The following PIK3C2G variants were observed in gnomAD, a reference collection of about 807,000 sequenced individuals.
PIK3C2G encodes phosphatidylinositol 3-kinase C2 domain-containing subunit gamma.
Under a neutral mutation model 181.1 loss-of-function variants are expected in PIK3C2G, and 168 were observed. The observed-to-expected ratio is 0.93, with a 90% CI of 0.82 to 1.05. The LOEUF (loss-of-function observed/expected upper bound fraction) is 1.05, where lower values mean the gene tolerates loss of function less well. Ranked by LOEUF, PIK3C2G falls within the 50% of genes least tolerant of loss-of-function variation. PIK3C2G has a pLI of 0.00. For synonymous variants in PIK3C2G, 573 were observed against 592.2 expected, an observed-to-expected ratio of 0.97 and a Z score of 0.47; for missense variants, 1,869 against 1,732.8, an observed-to-expected ratio of 1.08 and a Z score of -1.40.
At chr12:18,434,585 C>T (rs189237908) in intron 18 of PIK3C2G, among the ~76,000 whole-genome samples, 3 of 152,026 alleles carry the variant, frequency 2.0e-5, no homozygotes, top group African/African-American at 4.8e-5. Flanking sequence ...GTCTATATTC[C>T]GTAGGCCAGA....
At chr12:18,282,805 C>A (rs1393189011) in intron 2 of PIK3C2G, 46 bp downstream of exon 2, 9 of 1,236,326 alleles carry the variant, frequency 7.3e-6, no homozygotes, top group Middle Eastern at 2.0e-4. Context: ...CTGAAAGAAT[C>A]ATTCAATAAT....
At chr12:18,572,468 T>C (rs941415062) in intron 29 of PIK3C2G, among the ~76,000 whole-genome samples, 1 of 150,568 alleles carries the variant, frequency 6.6e-6, no homozygotes, top group African/African-American at 2.4e-5. Context: ...TCTGCTGATA[T>C]ATATAAATGT....
chr12:18,389,787 G>T, intron 14 of PIK3C2G, among the ~76,000 whole-genome samples: 1 of 152,218 alleles, frequency 6.6e-6, no homozygotes, highest in South Asian at 2.1e-4. Flanking sequence ...AATGAAAATT[G>T]TTTCCTAAGT....
chr12:18,646,005 T>A (rs1950111004), intron 32 of PIK3C2G, among the ~76,000 whole-genome samples: 1 of 152,052 alleles, frequency 6.6e-6, no homozygotes, highest in Non-Finnish European at 1.5e-5. Context: ...CAGCTCAAAA[T>A]ACCCACTTAG....
At chr12:18,701,417 C>T in the PIK3C2G span, 1 of 1,596,490 alleles carries the variant, frequency 6.3e-7, no homozygotes, top group South Asian at 1.1e-5. Flanking sequence ...AATGATTTTT[C>T]TCCAGAATTT....
At chr12:18,621,871 C>T (rs1197942208) in intron 31 of PIK3C2G, among the ~76,000 whole-genome samples, 1 of 151,392 alleles carries the variant, frequency 6.6e-6, no homozygotes, top group Non-Finnish European at 1.5e-5. Flanking sequence ...TTTATATTAA[C>T]AATCAACACA....
Position 18,430,945 on chromosome 12 carries a change from AT to A in PIK3C2G, c.2504+6916del, listed in dbSNP as rs879659152. ...ACTGAGATGATCCAAAAATCTGTCC[AT>A]TTTTTTTTTAAATAATCTTCCCTCA... On this transcript the variant is annotated intron_variant, in intron 18 of 32. Coordinates refer to ENST00000538779, the MANE Select transcript of PIK3C2G (RefSeq NM_001288772.2). Among the ~76,000 whole-genome samples the A allele has an allele frequency of 9.8e-3, 1,477 of 150,570 alleles. 23 individuals are homozygous for A. The highest frequency in any genetic ancestry group is 0.034 in the African/African-American group (1,384 of 41,076).
At chr12:18,273,873 C>G (rs1163591609) in intron 1 of PIK3C2G, among the ~76,000 whole-genome samples, 1 of 152,098 alleles carries the variant, frequency 6.6e-6, no homozygotes, top group Non-Finnish European at 1.5e-5. Context: ...AGGCAACCTA[C>G]AGAATGGGAG....
chr12:18,255,938 G>A (rs1209469986), intron 1 of PIK3C2G, among the ~76,000 whole-genome samples: 2 of 140,398 alleles, frequency 1.4e-5, no homozygotes, highest in African/African-American at 5.2e-5. Flanking sequence ...ATGTTATCTT[G>A]GAGGAATTTA....
At chr12:18,256,232 C>T (rs1046591773) in intron 1 of PIK3C2G, among the ~76,000 whole-genome samples, 1 of 151,820 alleles carries the variant, frequency 6.6e-6, no homozygotes, top group African/African-American at 2.4e-5. Context: ...AAGTCAAACA[C>T]AGATTGGCTT....
the PIK3C2G span, among the ~76,000 whole-genome samples, chr12:18,664,441 A>C: frequency 6.6e-6 from 1 of 152,178 alleles, no homozygotes; most frequent in African/African-American, 2.4e-5. Context: ...TCAGCATTGA[A>C]AGGGAAGGAA....
chr12:18,594,290 T>C lies in PIK3C2G; in HGVS notation c.4012-204T>C, dbSNP rs78122577. ...GAAGAAATGGAAAGTAATCTGACCT[T>C]CAGTCACACAAAAGTTTAGTTTAAC... On this transcript the variant is annotated intron_variant, in intron 29 of 32. Coordinates refer to ENST00000538779, the MANE Select transcript of PIK3C2G (RefSeq NM_001288772.2). Among the ~76,000 whole-genome samples, 983 of 152,142 alleles carry C rather than the reference T, an allele frequency of 6.5e-3. 2 individuals carry two copies. Among genetic ancestry groups the C allele is most frequent in the Middle Eastern group, 0.01 (3 of 294 alleles).
intron 30 of PIK3C2G, among the ~76,000 whole-genome samples, chr12:18,596,754 T>C (rs1461851297): frequency 6.6e-6 from 1 of 152,080 alleles, no homozygotes; most frequent in Non-Finnish European, 1.5e-5. Context: ...CTTGAGGCCA[T>C]GCCATCTACA....
At chr12:18,650,163 C>T (rs1441414557), downstream of PIK3C2G, among the ~76,000 whole-genome samples, 2 of 151,928 alleles carry the variant, frequency 1.3e-5, no homozygotes, top group Non-Finnish European at 2.9e-5. Context: ...CCCAAAAGTA[C>T]ACAGGGATCA....
intron 5 of PIK3C2G, among the ~76,000 whole-genome samples, chr12:18,309,020 T>C (rs10841015): frequency 0.53 from 80,611 of 151,380 alleles, 21,824 homozygotes; most frequent in East Asian, 0.74. Context: ...ATATGGTTTG[T>C]GGAAAAGATA....
chr12:18,493,258 A>T (rs1403765442), intron 20 of PIK3C2G: 2 of 152,202 alleles, frequency 1.3e-5, no homozygotes, highest in Non-Finnish European at 2.9e-5. Context: ...GGTTCATATA[A>T]AAACCTTATT....
At chr12:18,572,408 A>T (rs1352970323) in intron 29 of PIK3C2G, among the ~76,000 whole-genome samples, 3 of 148,682 alleles carry the variant, frequency 2.0e-5, no homozygotes, top group East Asian at 3.9e-4. Flanking sequence ...TATGTTATTA[A>T]ATATAAAATT....
At chr12:18,409,380 C>A (rs1287788166) in intron 16 of PIK3C2G, among the ~76,000 whole-genome samples, 1 of 151,966 alleles carries the variant, frequency 6.6e-6, no homozygotes, top group Non-Finnish European at 1.5e-5. Context: ...GGGAACATCA[C>A]ACACCAGGAC....
At chr12:18,320,324 C>CGTGT (rs57161773) in intron 6 of PIK3C2G, among the ~76,000 whole-genome samples, 1 of 151,830 alleles carries the variant, frequency 6.6e-6, no homozygotes, top group Admixed American at 6.6e-5. Flanking sequence ...TTAAGGTATG[C>CGTGT]GTGTGTGTGT....
Sources: gnomAD v4.1 joint callset for allele counts (sites outside exome capture counted in the v4.1 genomes callset) on GRCh38, gnomAD v4.1.1 for gene constraint, MANE v1.5 for transcripts, NCBI Gene and HGNC (gene_info 2026-07-23, HGNC 2026-07-21) for gene names.